MBTPS2: variants seen among roughly 807,000 people sequenced by gnomAD.
MBTPS2 encodes membrane-bound transcription factor site-2 protease.
A neutral mutation model predicts 35.4 loss-of-function variants in MBTPS2; 2 were observed. That is an observed-to-expected ratio of 0.06 (90% CI 0.02 to 0.18). The LOEUF (loss-of-function observed/expected upper bound fraction) is 0.18, where lower values mean the gene tolerates loss of function less well. Among genes scored for constraint, MBTPS2 ranks in the 10% least tolerant of loss-of-function variants. MBTPS2 has a pLI of 1.00. For missense variants in MBTPS2, 244 were observed against 386.5 expected, an observed-to-expected ratio of 0.63 and a Z score of 3.09; for synonymous variants, 125 against 140.4, an observed-to-expected ratio of 0.89 and a Z score of 0.77.
In MBTPS2 at chrX:21,859,377, A is replaced by C. The variant is rs79043605; in HGVS notation, c.670+5874A>C. 4.0e-3 allele frequency among the ~76,000 whole-genome samples: 245 copies of C among 60,939 alleles called. 3 individuals are homozygous for C. Among genetic ancestry groups the C allele is most frequent in the Middle Eastern group, 0.016 (2 of 126 alleles). The allele number at this position is 60,939 out of a possible 115,157, so 52.9% of individuals were successfully genotyped here. A position where few individuals can be genotyped will look rare whatever the true frequency, so the allele number is the denominator to read the frequency against. ...TATTTGTTTTAATCTTGGTTGTATTATTAGATGTTAACACATCTTGCATTT... is the reference window on the plus strand; with the variant it reads ...TATTTGTTTTAATCTTGGTTGTATTCTTAGATGTTAACACATCTTGCATTT... On this transcript the variant is annotated intron_variant, in intron 5 of 10. Transcript: ENST00000379484.
rs7057211 is a variant in MBTPS2, at chrX:21,844,800, G to A, written c.225-371G>A. Among the ~76,000 whole-genome samples, 730 of 111,931 alleles carry A rather than the reference G, an allele frequency of 6.5e-3. 7 individuals are homozygous for A. Among genetic ancestry groups the A allele is most frequent in the African/African-American group, 0.022 (680 of 30,867 alleles). On this transcript the variant is annotated intron_variant, in intron 2 of 10. Transcript: ENST00000379484. ...TTATCACAAAGTAAAGCTGAAATAC[G>A]ATGCAGACAATAGAAGAGGTAGATG...
At chrX:21,859,186 TAAA>T (rs898126538) in intron 5 of MBTPS2, among the ~76,000 whole-genome samples, 7 of 112,115 alleles carry the variant, frequency 6.2e-5, no homozygotes, top group African/African-American at 2.3e-4. Context: ...TTTTAAATTG[TAAA>T]AAAATTCAAA....
chrX:21,883,021 A>T lies in MBTPS2; in HGVS notation c.*366A>T, dbSNP rs1477665561. ...TGGAATTAATTGGGAAAAACTTCTT[A>T]CAAAAGCATCATTAATCAAAATTTG... On this transcript the variant is annotated 3_prime_UTR_variant, in exon 11 of 11. Transcript: ENST00000379484. 4.8e-6 allele frequency: 4 copies of T among 830,290 alleles called. No homozygotes were observed. The highest frequency in any genetic ancestry group is 4.4e-6 in the Non-Finnish European group (3 of 686,540). 68.4% of individuals were successfully genotyped at this position (830,290 alleles called of 1,213,427 possible).
At chrX:21,840,262 C>T (rs186208154) in intron 1 of MBTPS2, among the ~76,000 whole-genome samples, 7 of 112,713 alleles carry the variant, frequency 6.2e-5, no homozygotes, top group African/African-American at 2.2e-4. Flanking sequence ...TTTTTAAATG[C>T]ATATGATCAT....
chrX:21,863,704 G>A (rs1019115922), intron 5 of MBTPS2, among the ~76,000 whole-genome samples: 2 of 111,397 alleles, frequency 1.8e-5, no homozygotes, highest in Non-Finnish European at 3.8e-5. Flanking sequence ...CAATAATTGG[G>A]TCCACGCACC....
Position 21,883,452 on chromosome X carries a change from G to A in MBTPS2, c.*797G>A, listed in dbSNP as rs760211970. The A allele has an allele frequency of 7.6e-4, 575 of 752,435 alleles. 2 individuals carry two copies. The African/African-American group carries it at 0.011, about 15-fold the overall frequency. The allele number at this position is 752,435 out of a possible 1,213,427, so 62.0% of individuals were successfully genotyped here. ...TGGGGTTGAACTTCGGAACTAGGCCGGGTCTCCTGACAGATCACAAGACAC... is the reference window on the plus strand; with the variant it reads ...TGGGGTTGAACTTCGGAACTAGGCCAGGTCTCCTGACAGATCACAAGACAC... On this transcript the variant is annotated 3_prime_UTR_variant, in exon 11 of 11. Coordinates refer to ENST00000379484, the MANE Select transcript of MBTPS2 (RefSeq NM_015884.4).
At chrX:21,851,932 C>T (rs929179372) in intron 4 of MBTPS2, among the ~76,000 whole-genome samples, 1 of 111,838 alleles carries the variant, frequency 8.9e-6, no homozygotes, top group Non-Finnish European at 1.9e-5. Context: ...TTCTGTTCAT[C>T]GAGTCAGAAT....
At chrX:21,856,325 TTCTCTGCAGCTCGCG>T (rs2092921789) in intron 5 of MBTPS2, 2 of 483,734 alleles carry the variant, frequency 4.1e-6, no homozygotes, top group Admixed American at 3.4e-5. Context: ...GCTCGCGCCT[TTCTCTGCAGCTCGCG>T]CCTTTCTCTG....
In MBTPS2 at chrX:21,882,664, C is replaced by A. The variant is rs768549632; in HGVS notation, c.*9C>A. 26 of 1,207,060 alleles carry A rather than the reference C, an allele frequency of 2.2e-5. No individual in the cohort carries two copies. The South Asian group carries it at 4.4e-4, about 20-fold the overall frequency. ...TGGTTACAGCACGGTAATGTTTGCACTCATCTGACAGAATCCCTGAGTTAC... is the reference window on the plus strand; with the variant it reads ...TGGTTACAGCACGGTAATGTTTGCAATCATCTGACAGAATCCCTGAGTTAC... On this transcript the variant is annotated 3_prime_UTR_variant, in exon 11 of 11. Coordinates refer to ENST00000379484, the MANE Select transcript of MBTPS2 (RefSeq NM_015884.4).
intron 3 of MBTPS2, among the ~76,000 whole-genome samples, chrX:21,845,809 A>G (rs995265488): frequency 1.1e-4 from 12 of 112,492 alleles, no homozygotes; most frequent in African/African-American, 3.9e-4. Flanking sequence ...TTTTAATTAA[A>G]GATATAAGAC....
chrX:21,848,421 T>C (rs1041152277), intron 3 of MBTPS2, among the ~76,000 whole-genome samples: 97 of 100,007 alleles, frequency 9.7e-4, no homozygotes, highest in Middle Eastern at 0.015. Flanking sequence ...TCCCAGCACT[T>C]TGGGAGGCCA....
chrX:21,869,875 G>A (rs1356717451), intron 7 of MBTPS2, 197 bp downstream of exon 7: 6 of 404,131 alleles, frequency 1.5e-5, no homozygotes, highest in Non-Finnish European at 2.1e-5. Context: ...ATATATTGTT[G>A]AACTTCTAAC....
chrX:21,856,300 GCGCC>G, intron 5 of MBTPS2: 1 of 368,002 alleles, frequency 2.7e-6, no homozygotes, highest in Non-Finnish European at 4.6e-6. Context: ...TCTGCAGCTC[GCGCC>G]TTTCTCTGCA....
Position 21,878,087 on chromosome X carries a change from G to A in MBTPS2, c.1016G>A (p.Ser339Asn). 11 of 1,208,752 alleles carry A rather than the reference G, an allele frequency of 9.1e-6. No individual in the cohort carries two copies. The highest frequency in any genetic ancestry group is 1.7e-5 in the African/African-American group (1 of 57,778). ...DGSTECCNNHSLTDVCFSYRN... is the reference protein window; with the variant it reads ...DGSTECCNNHNLTDVCFSYRN... ...TCAACTGAATGCTGTAACAATCACA[G>A]CCTCACAGATGTGTGCTTTTCCTAC... The change falls in exon 8 of 11, where the codon AGC becomes AAC. Residue 339 changes from serine (S) to asparagine (N), a missense_variant. Ser to Asn is a conservative substitution (Grantham distance 46). Coordinates refer to ENST00000379484, the MANE Select transcript of MBTPS2 (RefSeq NM_015884.4).
intron 5 of MBTPS2, among the ~76,000 whole-genome samples, chrX:21,861,347 G>A (rs1002032552): frequency 2.4e-4 from 27 of 111,638 alleles, no homozygotes; most frequent in African/African-American, 8.8e-4. Context: ...CCTTGCAGAT[G>A]CATACTTAAC....
intron 7 of MBTPS2, among the ~76,000 whole-genome samples, chrX:21,873,995 G>GTATA (rs1307380580): frequency 1.6e-3 from 109 of 66,658 alleles, no homozygotes; most frequent in Middle Eastern, 6.7e-3. Context: ...GTGTGTGTGT[G>GTATA]TGTGTGTATA....
intron 4 of MBTPS2, among the ~76,000 whole-genome samples, chrX:21,853,173 T>C (rs191655585): frequency 6.3e-5 from 7 of 111,029 alleles, no homozygotes; most frequent in Non-Finnish European, 1.1e-4. Context: ...CAAAATTCAA[T>C]TTCACAGATA....
intron 5 of MBTPS2, chrX:21,858,843 C>T (rs1408138953): frequency 1.0e-5 from 1 of 98,601 alleles, no homozygotes; most frequent in Non-Finnish European, 2.0e-5. Flanking sequence ...GAGCCGTGAT[C>T]GAGCCACTGC....
At chrX:21,867,301 G>T (rs1228540796) in intron 5 of MBTPS2, among the ~76,000 whole-genome samples, 1 of 111,653 alleles carries the variant, frequency 9.0e-6, no homozygotes, top group East Asian at 2.8e-4. Flanking sequence ...AGAATGCACT[G>T]CTCAGTAATT....
Sources: allele counts gnomAD v4.1 joint callset (sites outside exome capture counted in the v4.1 genomes callset), GRCh38; gene constraint gnomAD v4.1.1; transcripts MANE v1.5; gene names NCBI Gene and HGNC (gene_info 2026-07-23, HGNC 2026-07-21).